Variants in TBC1D4 observed in about 807,000 individuals in gnomAD.
TBC1D4 encodes the protein TBC (Tre-2, BUB2, CDC16) domain-containing protein.
In TBC1D4, 121 loss-of-function variants were observed where a neutral mutation model predicts 142.5. The ratio of observed to expected loss-of-function variants is 0.85; its 90% CI spans 0.73 to 0.99. The LOEUF is 0.99. TBC1D4 is among the 50% of genes least tolerant of loss of function. TBC1D4 has a pLI of 0.00. For synonymous variants in TBC1D4, 630 were observed against 628.2 expected (o/e 1.00, Z -0.04); for missense variants, 1,475 against 1,606.6 (o/e 0.92, Z 1.40).
At chr13:75,423,135 T>G (rs184034306) in intron 1 of TBC1D4, among the ~76,000 whole-genome samples, 1 of 152,288 alleles carries the variant, frequency 6.6e-6, no homozygotes, top group Non-Finnish European at 1.5e-5. Flanking sequence ...ACTAGAAACA[T>G]TAGCCCAAAG....
intron 14 of TBC1D4, among the ~76,000 whole-genome samples, chr13:75,308,221 G>A (rs1308211813): frequency 1.3e-5 from 2 of 152,174 alleles, no homozygotes; most frequent in African/African-American, 4.8e-5. Flanking sequence ...AACCGATGAA[G>A]GTTTCTGAGA....
At chr13:75,472,426 A>G (rs1888453029) in intron 1 of TBC1D4, among the ~76,000 whole-genome samples, 2 of 152,158 alleles carry the variant, frequency 1.3e-5, no homozygotes, top group Non-Finnish European at 2.9e-5. Context: ...CTCAGAGAAA[A>G]AAAATAAAAA....
intron 1 of TBC1D4, among the ~76,000 whole-genome samples, chr13:75,459,077 CT>C (rs1887860566): frequency 6.6e-6 from 1 of 152,174 alleles, no homozygotes; most frequent in South Asian, 2.1e-4. Flanking sequence ...TACCAGCTCA[CT>C]CGTTGGCACA....
At chr13:75,337,131 A>G in intron 7 of TBC1D4, 91 bp from the exon 8 acceptor site, 1 of 1,236,374 alleles carries the variant, frequency 8.1e-7, no homozygotes, top group East Asian at 2.3e-5. Context: ...GCTATTAAAA[A>G]ACACAAGAAT....
chr13:75,293,069 C>T lies in TBC1D4; in HGVS notation c.3317-798G>A, dbSNP rs939841530. ...ACTCGGGAGGCTGAGGCAGGAGAATCGCTCGAACCCAGGAGGCAGAGGTTG... is the reference window on the plus strand; with the variant it reads ...ACTCGGGAGGCTGAGGCAGGAGAATTGCTCGAACCCAGGAGGCAGAGGTTG... On this transcript the variant is annotated intron_variant, in intron 18 of 20. Transcript: ENST00000377636. Among the ~76,000 whole-genome samples, 4 of 152,238 alleles carry T rather than the reference C, an allele frequency of 2.6e-5. No homozygotes were observed. In the South Asian group the frequency reaches 6.2e-4, roughly 24 times the overall value.
intron 12 of TBC1D4, among the ~76,000 whole-genome samples, chr13:75,317,411 T>C (rs1286835222): frequency 6.6e-6 from 1 of 152,238 alleles, no homozygotes; most frequent in African/African-American, 2.4e-5. Context: ...TTTATGTAAA[T>C]GTCTCACTTC....
At chr13:75,396,779 T>A (rs1195188852) in intron 1 of TBC1D4, among the ~76,000 whole-genome samples, 2 of 152,152 alleles carry the variant, frequency 1.3e-5, no homozygotes, top group African/African-American at 4.8e-5. Context: ...ATTTACAGCA[T>A]CCTTAGGGAA....
intron 1 of TBC1D4, among the ~76,000 whole-genome samples, chr13:75,412,499 TCTCA>T (rs1885721133): frequency 6.6e-6 from 1 of 151,934 alleles, no homozygotes; most frequent in African/African-American, 2.4e-5. Context: ...GAAGACAAGG[TCTCA>T]CTATGTTGCA....
rs1880672814 is a variant in TBC1D4 at position 75,341,221 on chromosome 13, G to A, written c.1515C>T (p.Val505=). The change falls in exon 7 of 21, where the codon GTC becomes GTT. Residue 505 remains valine, a synonymous_variant. Coordinates refer to ENST00000377636, the MANE Select transcript of TBC1D4 (RefSeq NM_014832.5). ...CAAGTTCATTTTCTTCCTGGTCACT[G>A]ACTGGCTTCATTTTCTGTTCAACAG... ...IFERVQKMKP[V]SDQEENELVI... The A allele has an allele frequency of 6.2e-7, 1 of 1,613,572 alleles. No homozygotes were observed. The highest frequency in any genetic ancestry group is 8.5e-7 in the Non-Finnish European group (1 of 1,179,944).
intron 1 of TBC1D4, among the ~76,000 whole-genome samples, chr13:75,471,488 AG>A (rs1215429977): frequency 4.6e-5 from 7 of 152,384 alleles, no homozygotes; most frequent in African/African-American, 1.7e-4. Context: ...CTATAATCCC[AG>A]CACTTTGGGA....
At chr13:75,338,031 A>T (rs1450449899) in intron 7 of TBC1D4, among the ~76,000 whole-genome samples, 1 of 152,234 alleles carries the variant, frequency 6.6e-6, no homozygotes, top group Non-Finnish European at 1.5e-5. Context: ...CCAGGTAAAT[A>T]GGAAGAATTA....
chr13:75,472,368 G>A (rs901195720), intron 1 of TBC1D4, among the ~76,000 whole-genome samples: 9 of 151,824 alleles, frequency 5.9e-5, no homozygotes, highest in Non-Finnish European at 1.0e-4. Flanking sequence ...GCAGTGAGCC[G>A]AGATCACGCC....
Position 75,308,949 on chromosome 13 carries a change from A to G in TBC1D4, c.2593+993T>C, listed in dbSNP as rs529959360. Among the ~76,000 whole-genome samples the G allele has an allele frequency of 7.9e-5, 12 of 152,324 alleles. No homozygotes were observed. In the East Asian group the frequency reaches 2.1e-3, roughly 27 times the overall value. ...AAATAAAAAAATTAAATTGAATCAT[A>G]GGTGTAGTAACAAGAATCTTAAGGT... On this transcript the variant is annotated intron_variant, in intron 14 of 20. Coordinates refer to ENST00000377636, the MANE Select transcript of TBC1D4 (RefSeq NM_014832.5).
At chr13:75,288,028 T>C (rs1048522545) in intron 20 of TBC1D4, among the ~76,000 whole-genome samples, 1 of 152,208 alleles carries the variant, frequency 6.6e-6, no homozygotes, top group Non-Finnish European at 1.5e-5. Flanking sequence ...GCACACATCA[T>C]ACAAGTTGCA....
In TBC1D4 at chr13:75,327,775, A is replaced by G; in HGVS notation, c.1783T>C (p.Ser595Pro). The stretch of plus-strand genomic sequence containing the variant: ...ACCTTCTCTGAAGCAAGACTGTTGG[A>G]CCGTTCAAAACTGTCCACACTTCCA... ...RLGSVDSFER[S>P]NSLASEKDYS... The change falls in exon 9 of 21, where the codon TCC becomes CCC. Residue 595 changes from serine (S) to proline (P), a missense_variant. Physicochemically the swap from Ser to Pro is moderately conservative, Grantham distance 74. Coordinates refer to ENST00000377636, the MANE Select transcript of TBC1D4 (RefSeq NM_014832.5). 1 of 1,614,008 alleles carries G rather than the reference A, an allele frequency of 6.2e-7. No individual in the cohort carries two copies. Among genetic ancestry groups the G allele is most frequent in the Non-Finnish European group, 8.5e-7 (1 of 1,179,896 alleles).
rs78742761 is a variant in TBC1D4, at chr13:75,402,224, C to T, written c.499-39617G>A. ...TTAAAAACATCTTTATATTAAAATA[C>T]ATAAGATATATTATCAAATAAACTA... is the stretch of plus-strand genomic sequence containing the variant. On this transcript the variant is annotated intron_variant, in intron 1 of 20. Transcript: ENST00000377636. 2.6e-4 allele frequency among the ~76,000 whole-genome samples: 40 copies of T among 152,256 alleles called. No individual in the cohort carries two copies. In the East Asian group the frequency reaches 6.6e-3, roughly 25 times the overall value.
chr13:75,375,612 A>G (rs1883453142), intron 1 of TBC1D4: 1 of 152,142 alleles, frequency 6.6e-6, no homozygotes, highest in Non-Finnish European at 1.5e-5. Context: ...TTGTCATTAA[A>G]TATCAAAGGT....
At chr13:75,356,286 T>A in intron 3 of TBC1D4, 35 bp from the exon 4 acceptor site, 1 of 1,401,642 alleles carries the variant, frequency 7.1e-7, no homozygotes, top group Non-Finnish European at 1.0e-6. Flanking sequence ...TAAAAATGTA[T>A]GGGAATATAT....
At chr13:75,332,398 G>C (rs1879826447) in intron 8 of TBC1D4, among the ~76,000 whole-genome samples, 1 of 152,174 alleles carries the variant, frequency 6.6e-6, no homozygotes, top group Non-Finnish European at 1.5e-5. Context: ...ATCGGCTAGG[G>C]CCAGGGATTA....
Sources: gnomAD v4.1 joint callset for allele counts (sites outside exome capture counted in the v4.1 genomes callset) on GRCh38, gnomAD v4.1.1 for gene constraint, MANE v1.5 for transcripts, NCBI Gene and HGNC (gene_info 2026-07-23, HGNC 2026-07-21) for gene names.